Variants in C5orf15 observed in about 807,000 individuals in gnomAD.
C5orf15 encodes the protein keratinocyte-associated transmembrane protein 2.
In C5orf15, 10 loss-of-function variants were observed where a neutral mutation model predicts 17.8. That is an observed-to-expected ratio of 0.56 (90% CI 0.35 to 0.95). The LOEUF (loss-of-function observed/expected upper bound fraction) is 0.95. C5orf15 is among the 40% of genes least tolerant of loss of function. The pLI is 0.02. For synonymous variants in C5orf15, 124 were observed against 131.0 expected, an observed-to-expected ratio of 0.95 and a Z score of 0.36; for missense variants, 319 against 331.7, an observed-to-expected ratio of 0.96 and a Z score of 0.30.
chr5:133,968,525 C>T lies in C5orf15; in HGVS notation c.60G>A (p.Gly20=), dbSNP rs771492764. The change falls in exon 1 of 3, where the codon GGG becomes GGA. Residue 20 remains glycine (G), a synonymous_variant. Transcript: ENST00000231512. ...RGPAQAKLLP[G]SAIQALVGLA... ...ACCCCACAAGGGCTTGGATGGCCGA[C>T]CCGGGCAGCAGTTTCGCTTGTGCTG... The T allele has an allele frequency of 6.2e-7, 1 of 1,608,498 alleles. No homozygotes were observed. Among genetic ancestry groups the T allele is most frequent in the South Asian group, 1.1e-5 (1 of 89,964 alleles).
Position 133,968,434 on chromosome 5 carries a change from GC to G in C5orf15, c.139+11del. On this transcript the variant is annotated intron_variant, in intron 1 of 2. Transcript: ENST00000231512. ...CTAGCCTTCCTAAGCCCACACTGCC[GC>G]CCCCCTTTACCACTGGATAGAGCGG... is the stretch of plus-strand genomic sequence containing the variant. 6.2e-7 allele frequency: 1 copy of G among 1,601,618 alleles called. No individual in the cohort carries two copies. Among genetic ancestry groups the G allele is most frequent in the Non-Finnish European group, 8.5e-7 (1 of 1,174,756 alleles).
intron 1 of C5orf15, among the ~76,000 whole-genome samples, chr5:133,961,232 TAAAAAAAAAAAAAAAAAAA>T (rs56684565): frequency 9.9e-5 from 3 of 30,438 alleles, no homozygotes; most frequent in Admixed American, 4.9e-4. Context: ...AGTCAGTTAG[TAAAAAAAAAAAAAAAAAAA>T]AAAAAAAAAA....
rs1362388823 is a variant in C5orf15, at chr5:133,960,002, G to C, written c.158C>G (p.Ser53Ter). ...TGAGTTGAGTACGGTTGGGCTCGGT[G>C]AATCAGTCCGTGATACAACTGAAAC... Reference protein sequence around the residue: ...ALSSVVSRTDSPSPTVLNSHI... With the variant: ...ALSSVVSRTD Residue 53 changes from serine to a stop codon, truncating the protein, a stop_gained, in exon 2 of 3, where the codon TCA becomes TGA. Transcript: ENST00000231512. LOFTEE classifies it high-confidence loss of function. The C allele has an allele frequency of 1.2e-6, 2 of 1,608,468 alleles. No homozygotes were observed. Among genetic ancestry groups the C allele is most frequent in the African/African-American group, 2.7e-5 (2 of 74,802 alleles).
intron 1 of C5orf15, 73 bp from the exon 2 acceptor site, chr5:133,960,093 A>C: frequency 7.7e-7 from 1 of 1,301,318 alleles, no homozygotes; most frequent in Non-Finnish European, 1.1e-6. Context: ...TATTTACCCA[A>C]ATTTTACACT....
intron 1 of C5orf15, among the ~76,000 whole-genome samples, chr5:133,966,285 A>G (rs1270175167): frequency 6.6e-6 from 1 of 152,194 alleles, no homozygotes; most frequent in Non-Finnish European, 1.5e-5. Context: ...CTGCCCTAAA[A>G]TAAAACTATA....
rs766843727 is a variant in C5orf15, at chr5:133,960,028, A to C, written c.140-8T>G. The C allele has an allele frequency of 1.9e-6, 3 of 1,573,828 alleles. No homozygotes were observed. In the Admixed American group the frequency reaches 5.5e-5, roughly 29 times the overall value. On this transcript the variant is annotated splice_polypyrimidine_tract_variant and splice_region_variant and intron_variant, in intron 1 of 2. Transcript: ENST00000231512. ...AATCAGTCCGTGATACAACTGAAAC[A>C]AACAAAGAATATCAAACTGAAATCT... is the stretch of plus-strand genomic sequence containing the variant.
At chr5:133,963,188 T>C (rs1010686336) in intron 1 of C5orf15, among the ~76,000 whole-genome samples, 1 of 152,268 alleles carries the variant, frequency 6.6e-6, no homozygotes, top group African/African-American at 2.4e-5. Context: ...TTTACCCTTC[T>C]ACTCTCTTAG....
At chr5:133,963,818 C>T (rs990311694) in intron 1 of C5orf15, among the ~76,000 whole-genome samples, 4 of 152,146 alleles carry the variant, frequency 2.6e-5, no homozygotes, top group African/African-American at 9.7e-5. Context: ...CAAACACATT[C>T]ATAGCAGCTT....
Position 133,956,951 on chromosome 5 carries a change from G to A in C5orf15, c.706C>T (p.Leu236Phe), listed in dbSNP as rs1752050539. Residue 236 changes from leucine (L) to phenylalanine (F), a missense_variant, in exon 3 of 3, where the codon CTT becomes TTT. Physicochemically the swap from Leu to Phe is conservative, Grantham distance 22. Coordinates refer to ENST00000231512, the MANE Select transcript of C5orf15 (RefSeq NM_020199.3). ...LVQSRKWRDG[L>F]CSKTVEYHRL... is the part of the protein sequence containing the mutation. ...TGGTATTCCACTGTTTTGGAACAAA[G>A]GCCATCACGCCATTTCCTGCTTTGA... 1.2e-6 allele frequency: 2 copies of A among 1,610,920 alleles called. No homozygotes were observed. The highest frequency in any genetic ancestry group is 2.7e-5 in the African/African-American group (2 of 74,812).
At chr5:133,959,404 C>CAAAAAAAAAAAAA (rs397999300) in intron 2 of C5orf15, 90 bp downstream of exon 2, 2 of 124,564 alleles carry the variant, frequency 1.6e-5, no homozygotes, top group African/African-American at 8.6e-5. Context: ...CTTTTTTTTG[C>CAAAAAAAAAAAAA]AAAAAAAAAA....
chr5:133,966,791 A>G lies in C5orf15; in HGVS notation c.139+1655T>C, dbSNP rs1752199368. 2.6e-5 allele frequency among the ~76,000 whole-genome samples: 4 copies of G among 152,370 alleles called. No individual in the cohort carries two copies. In the South Asian group the frequency reaches 8.3e-4, roughly 32 times the overall value. On this transcript the variant is annotated intron_variant, in intron 1 of 2. Coordinates refer to ENST00000231512, the MANE Select transcript of C5orf15 (RefSeq NM_020199.3). ...GTGCAGTGGAGCTGCTCGCCTATTA[A>G]AGACATGTATGTTCGTTTTCATTTA... is the stretch of plus-strand genomic sequence containing the variant.
At chr5:133,965,160 A>T (rs1752175247) in intron 1 of C5orf15, among the ~76,000 whole-genome samples, 1 of 152,178 alleles carries the variant, frequency 6.6e-6, no homozygotes, top group Non-Finnish European at 1.5e-5. Flanking sequence ...ATATTTATTG[A>T]ATATGCTCTC....
At chr5:133,966,797 T>A (rs980971512) in intron 1 of C5orf15, among the ~76,000 whole-genome samples, 1 of 152,244 alleles carries the variant, frequency 6.6e-6, no homozygotes, top group Admixed American at 6.5e-5. Flanking sequence ...ATTAAAGACA[T>A]GTATGTTCGT....
chr5:133,956,201 T>C lies in C5orf15; in HGVS notation c.*658A>G, dbSNP rs1188553363. 6.6e-6 allele frequency: 1 copy of C among 152,634 alleles called. No individual in the cohort carries two copies. Among genetic ancestry groups the C allele is most frequent in the Non-Finnish European group, 1.5e-5 (1 of 68,028 alleles). The allele number at this position is 152,634 out of a possible 1,614,324, so 9.5% of individuals were successfully genotyped here. On this transcript the variant is annotated 3_prime_UTR_variant, in exon 3 of 3. Transcript: ENST00000231512. ...CCAGTTTCTGCTTCTAAATTTAATA[T>C]AGTAATTCCAACCAAAAAAATAGTA...
intron 1 of C5orf15, among the ~76,000 whole-genome samples, chr5:133,964,544 C>T (rs373404224): frequency 8.9e-4 from 136 of 152,194 alleles, no homozygotes; most frequent in African/African-American, 3.0e-3. Flanking sequence ...TTTTGAAAGA[C>T]GTTACTATTA....
chr5:133,959,523 C>A lies in C5orf15; in HGVS notation c.637G>T (p.Val213Phe), dbSNP rs766740196. Reference protein sequence around the residue: ...LIIFAFCIAVVYITYHNKRKI... With the variant: ...LIIFAFCIAVFYITYHNKRKI... ...CTTTTGTTGTGATATGTAATGTAAA[C>A]AACAGCAATGCAAAAAGCAAAAATA... Residue 213 changes from valine to phenylalanine, a missense_variant, in exon 2 of 3, where the codon GTT (valine) becomes TTT (phenylalanine). Val to Phe is a conservative substitution (Grantham distance 50). Around this residue, in one of 3 missense-constraint regions of C5orf15, gnomAD observed 175 missense variants for 192.4 expected, o/e 0.91. Transcript: ENST00000231512. The A allele has an allele frequency of 1.3e-6, 2 of 1,508,664 alleles. No homozygotes were observed. The highest frequency in any genetic ancestry group is 1.8e-6 in the Non-Finnish European group (2 of 1,121,252). 93.5% of individuals were successfully genotyped at this position (1,508,664 alleles called of 1,614,324 possible).
intron 1 of C5orf15, among the ~76,000 whole-genome samples, chr5:133,961,787 T>G (rs1421149044): frequency 1.3e-5 from 2 of 150,266 alleles, no homozygotes; most frequent in Non-Finnish European, 3.0e-5. Flanking sequence ...TTTTTTTTTT[T>G]GAGACAGCAT....
intron 1 of C5orf15, among the ~76,000 whole-genome samples, chr5:133,961,669 T>C (rs1379347778): frequency 6.7e-6 from 1 of 149,612 alleles, no homozygotes; most frequent in Non-Finnish European, 1.5e-5. Context: ...CACTGTAGCC[T>C]CGACCTCCTG....
chr5:133,966,837 AAT>A (rs1342882245), intron 1 of C5orf15, among the ~76,000 whole-genome samples: 4 of 152,246 alleles, frequency 2.6e-5, no homozygotes, highest in African/African-American at 9.6e-5. Context: ...AGGACAGAAT[AAT>A]CTGAATTTAT....
Sources: gnomAD v4.1 joint callset for allele counts (sites outside exome capture counted in the v4.1 genomes callset) on GRCh38, gnomAD v4.1.1 for gene constraint, gnomAD v4.1.1 regional missense constraint, MANE v1.5 for transcripts, NCBI Gene and HGNC (gene_info 2026-07-23, HGNC 2026-07-21) for gene names.